Variants in MAGI1 observed in about 807,000 individuals in gnomAD.
MAGI1 encodes membrane-associated guanylate kinase, WW and PDZ domain-containing protein 1.
MAGI1 carries 58 observed loss-of-function variants against 139.9 expected under a neutral mutation model. That is an observed-to-expected ratio of 0.41 (90% confidence interval 0.34 to 0.52). MAGI1 has a LOEUF of 0.52. Among genes scored for constraint, MAGI1 ranks in the 20% least tolerant of loss-of-function variants. The probability of loss-of-function intolerance (pLI) is 0.12; values close to 1 mark genes in which losing one functional copy is unlikely to be tolerated. For synonymous variants in MAGI1, 812 were observed against 737.9 expected (o/e 1.10, Z -1.63); for missense variants, 1,874 against 1,901.6 (o/e 0.99, Z 0.27).
chr3:65,732,639 T>A (rs1205184635), intron 1 of MAGI1, among the ~76,000 whole-genome samples: 6 of 152,212 alleles, frequency 3.9e-5, no homozygotes, highest in Non-Finnish European at 7.3e-5. Context: ...CAATATAATA[T>A]ACAAAACTCT....
chr3:65,714,632 G>A (rs1028088510), intron 1 of MAGI1, among the ~76,000 whole-genome samples: 1 of 152,030 alleles, frequency 6.6e-6, no homozygotes, highest in African/African-American at 2.4e-5. Flanking sequence ...TTATTAGCTT[G>A]TAAGTAGGGT....
intron 1 of MAGI1, among the ~76,000 whole-genome samples, chr3:65,661,525 T>C (rs2107387927): frequency 1.3e-5 from 2 of 152,246 alleles, no homozygotes; most frequent in Admixed American, 6.5e-5. Context: ...GTCAAGATGT[T>C]TGCATTGGAA....
intron 1 of MAGI1, among the ~76,000 whole-genome samples, chr3:65,818,043 AGTGTGT>A (rs57082137): frequency 6.0e-5 from 9 of 149,064 alleles, no homozygotes; most frequent in South Asian, 2.1e-4. Context: ...TAAAATTATG[AGTGTGT>A]GTGTGTGTGT....
chr3:65,929,943 A>T (rs528056951), intron 1 of MAGI1, among the ~76,000 whole-genome samples: 1 of 152,294 alleles, frequency 6.6e-6, no homozygotes, highest in South Asian at 2.1e-4. Flanking sequence ...ACCAAGTTGC[A>T]GTTTCCTTTA....
At chr3:65,702,617 C>T (rs998680813) in intron 1 of MAGI1, among the ~76,000 whole-genome samples, 1 of 152,134 alleles carries the variant, frequency 6.6e-6, no homozygotes, top group Non-Finnish European at 1.5e-5. Flanking sequence ...CACGCCTTTG[C>T]ATCCTTCAGG....
intron 1 of MAGI1, among the ~76,000 whole-genome samples, chr3:65,939,835 T>C (rs1031643230): frequency 3.3e-5 from 5 of 152,218 alleles, no homozygotes; most frequent in African/African-American, 1.2e-4. Flanking sequence ...ATTTGAACAT[T>C]AATAAGCACA....
intron 1 of MAGI1, among the ~76,000 whole-genome samples, chr3:65,692,634 G>A (rs1226462506): frequency 6.6e-6 from 1 of 152,132 alleles, no homozygotes; most frequent in Non-Finnish European, 1.5e-5. Flanking sequence ...CTGGAATCTT[G>A]TCCCACAGTG....
At chr3:65,739,637 A>G (rs1214104186) in intron 1 of MAGI1, among the ~76,000 whole-genome samples, 2 of 152,158 alleles carry the variant, frequency 1.3e-5, no homozygotes, top group Non-Finnish European at 1.5e-5. Flanking sequence ...CAAACACTTA[A>G]AGAGTCCATT....
chr3:65,989,244 G>C (rs1204012974), intron 1 of MAGI1, among the ~76,000 whole-genome samples: 1 of 152,230 alleles, frequency 6.6e-6, no homozygotes, highest in African/African-American at 2.4e-5. Context: ...CAAACAGGTA[G>C]AGAGTGAAGA....
chr3:65,480,569 C>T (rs2107621175), intron 3 of MAGI1, among the ~76,000 whole-genome samples: 2 of 141,892 alleles, frequency 1.4e-5, no homozygotes, highest in Middle Eastern at 3.6e-3. Flanking sequence ...AGGCTTTATT[C>T]TTATAAATAA....
At chr3:65,684,777 C>T (rs1402961940) in intron 1 of MAGI1, among the ~76,000 whole-genome samples, 1 of 151,682 alleles carries the variant, frequency 6.6e-6, no homozygotes, top group Admixed American at 6.6e-5. Context: ...TCTCAGCTCA[C>T]TGTAGCCTCA....
intron 1 of MAGI1, among the ~76,000 whole-genome samples, chr3:65,980,979 T>C (rs142003983): frequency 5.9e-5 from 9 of 151,886 alleles, no homozygotes; most frequent in African/African-American, 2.2e-4. Context: ...GCCAGCATAG[T>C]AAAACCCAGT....
At position 65,706,795 on chromosome 3, in the gene MAGI1, C is replaced by T. The variant is rs17073535; in HGVS notation, c.314-84707G>A. 8.3e-4 allele frequency among the ~76,000 whole-genome samples: 126 copies of T among 152,020 alleles called. 1 individual carries two copies. The highest frequency in any genetic ancestry group is 2.1e-3 in the South Asian group (10 of 4,816). ...GAACAGTATGGGATGGAAATGAAAA[C>T]GCAAGCAGGAGCCAGAGACCACAGG... On this transcript the variant is annotated intron_variant, in intron 1 of 22. Coordinates refer to ENST00000402939, the MANE Select transcript of MAGI1 (RefSeq NM_001033057.2).
Position 65,782,927 on chromosome 3 carries a change from A to T in MAGI1, c.314-160839T>A, listed in dbSNP as rs2039054605. On this transcript the variant is annotated intron_variant, in intron 1 of 22. Coordinates refer to ENST00000402939, the MANE Select transcript of MAGI1 (RefSeq NM_001033057.2). ...ACTCTTAAAAAAAAAAAAAGAGAAA[A>T]ATCAATTTCATGACCTTGAGTTAAG... Among the ~76,000 whole-genome samples the T allele has an allele frequency of 2.6e-5, 4 of 152,036 alleles. No homozygotes were observed. In the East Asian group the frequency reaches 7.7e-4, roughly 29 times the overall value.
At chr3:65,836,546 C>A (rs1173879040) in intron 1 of MAGI1, among the ~76,000 whole-genome samples, 2 of 152,020 alleles carry the variant, frequency 1.3e-5, no homozygotes, top group Non-Finnish European at 2.9e-5. Context: ...AGAGGCCGGG[C>A]GCGGTGGCTC....
At chr3:65,638,836 A>C (rs2084805812) in intron 1 of MAGI1, among the ~76,000 whole-genome samples, 1 of 151,858 alleles carries the variant, frequency 6.6e-6, no homozygotes, top group Non-Finnish European at 1.5e-5. Flanking sequence ...TGAACTCCTG[A>C]CATGAGGTGA....
intron 5 of MAGI1, among the ~76,000 whole-genome samples, chr3:65,455,798 G>A (rs1307280007): frequency 6.6e-6 from 1 of 152,106 alleles, no homozygotes; most frequent in East Asian, 1.9e-4. Flanking sequence ...ATCATTGTAT[G>A]TCTTACTTTA....
At chr3:65,888,794 T>TC (rs976199105) in intron 1 of MAGI1, among the ~76,000 whole-genome samples, 2 of 152,050 alleles carry the variant, frequency 1.3e-5, no homozygotes, top group African/African-American at 2.4e-5. Flanking sequence ...AATTCAATGC[T>TC]CCCAAAAACT....
rs138742534 is a variant in MAGI1 at position 65,417,354 on chromosome 3, G to A, written c.2167+12166C>T. On this transcript the variant is annotated intron_variant, in intron 12 of 22. Transcript: ENST00000402939. Reference sequence around the variant, plus strand: ...GGGAAAAAAAGACTGATATAATGGAGGATGCTAATCATAATAATATTCCTC... The same window carrying A: ...GGGAAAAAAAGACTGATATAATGGAAGATGCTAATCATAATAATATTCCTC... Among the ~76,000 whole-genome samples the A allele has an allele frequency of 9.3e-3, 1,410 of 152,140 alleles. 21 individuals are homozygous for A. The highest frequency in any genetic ancestry group is 0.036 in the Admixed American group (555 of 15,258).
Sources: gnomAD v4.1 joint callset for allele counts (sites outside exome capture counted in the v4.1 genomes callset) on GRCh38, gnomAD v4.1.1 for gene constraint, MANE v1.5 for transcripts, NCBI Gene and HGNC (gene_info 2026-07-23, HGNC 2026-07-21) for gene names.